Variants in IQCH observed in about 807,000 individuals in gnomAD.
The protein encoded by IQCH is IQ motif containing H.
Under a neutral mutation model 117.0 loss-of-function variants are expected in IQCH, and 98 were observed. That is an observed-to-expected ratio of 0.84 (90% CI 0.71 to 0.99). The LOEUF (loss-of-function observed/expected upper bound fraction) is 0.99, where lower values mean the gene tolerates loss of function less well. Among genes scored for constraint, IQCH ranks in the 50% least tolerant of loss-of-function variants. The pLI, the probability that IQCH is intolerant of heterozygous loss-of-function variation, is 0.00. For missense variants in IQCH, 1,102 were observed against 1,243.8 expected, an observed-to-expected ratio of 0.89 and a Z score of 1.72; for synonymous variants, 412 against 448.2, an observed-to-expected ratio of 0.92 and a Z score of 1.02.
rs1190154378 is a variant in IQCH, at chr15:67,454,329, G to A, written c.2506-10798G>A. Reference sequence around the variant, plus strand: ...CCCGTCTTCTGCGTCGCTCACGCTGGGAGCTGTAGACCGGAGCTGTTCGTA... The same window carrying A: ...CCCGTCTTCTGCGTCGCTCACGCTGAGAGCTGTAGACCGGAGCTGTTCGTA... On this transcript the variant is annotated intron_variant, in intron 16 of 20. Transcript: ENST00000335894. This position sits in a 1 kb window ranked among gnomAD's most constrained non-coding sequence, Gnocchi z 5.2. Among the ~76,000 whole-genome samples the A allele has an allele frequency of 2.6e-5, 4 of 152,172 alleles. No homozygotes were observed. The highest frequency in any genetic ancestry group is 4.4e-5 in the Non-Finnish European group (3 of 68,030).
intron 7 of IQCH, among the ~76,000 whole-genome samples, chr15:67,358,725 A>G (rs183520519): frequency 6.6e-6 from 1 of 152,342 alleles, no homozygotes; most frequent in East Asian, 1.9e-4. Flanking sequence ...CTGCTCTCAT[A>G]AGAAAAGAAA....
rs1274771812 is a variant in IQCH at position 67,476,527 on chromosome 15, T to C, written c.2799+709T>C. ...AATTCAGTCCATAGCATCCTCCTACTGATATTTGATAATTTATTTCTGAAG... is the reference window on the plus strand; with the variant it reads ...AATTCAGTCCATAGCATCCTCCTACCGATATTTGATAATTTATTTCTGAAG... On this transcript the variant is annotated intron_variant, in intron 18 of 20. Coordinates refer to ENST00000335894, the MANE Select transcript of IQCH (RefSeq NM_001031715.3). This position sits in a 1 kb window ranked among gnomAD's most constrained non-coding sequence, Gnocchi z 4.1. Among the ~76,000 whole-genome samples, 1 of 152,220 alleles carries C rather than the reference T, an allele frequency of 6.6e-6. No homozygotes were observed. Among genetic ancestry groups the C allele is most frequent in the Non-Finnish European group, 1.5e-5 (1 of 68,046 alleles).
chr15:67,331,328 TTAAAC>T (rs1245648453), intron 4 of IQCH, among the ~76,000 whole-genome samples: 15 of 151,854 alleles, frequency 9.9e-5, no homozygotes, highest in Admixed American at 9.2e-4. Context: ...ATAAATTAAT[TTAAAC>T]TAGAGCTCAA....
chr15:67,371,509 C>T, intron 8 of IQCH: 4 of 1,590,540 alleles, frequency 2.5e-6, no homozygotes, highest in Non-Finnish European at 3.4e-6. Flanking sequence ...GAACACGTGT[C>T]AAGAGAAACC....
chr15:67,337,720 A>T (rs1005903127), intron 5 of IQCH, among the ~76,000 whole-genome samples: 1 of 152,208 alleles, frequency 6.6e-6, no homozygotes, highest in Non-Finnish European at 1.5e-5. Flanking sequence ...AACCATCTCT[A>T]CTGTTCCCTG....
chr15:67,475,587 T>A lies in IQCH; in HGVS notation c.2677-109T>A. On this transcript the variant is annotated intron_variant, in intron 17 of 20. Transcript: ENST00000335894. This position sits in a 1 kb window ranked among gnomAD's most constrained non-coding sequence, Gnocchi z 5.7. Reference sequence around the variant, plus strand: ...CAATAGGAGAACTGGGTGTGGGGGATATAGGAACTCTCAGAATTATCTTCG... The same window carrying A: ...CAATAGGAGAACTGGGTGTGGGGGAAATAGGAACTCTCAGAATTATCTTCG... 1 of 878,456 alleles carries A rather than the reference T, an allele frequency of 1.1e-6. No homozygotes were observed. The highest frequency in any genetic ancestry group is 1.7e-5 in the South Asian group (1 of 60,160). The allele number at this position is 878,456 out of a possible 1,614,324, so 54.4% of individuals were successfully genotyped here.
At chr15:67,331,418 T>C (rs560552343) in intron 4 of IQCH, among the ~76,000 whole-genome samples, 219 of 152,084 alleles carry the variant, frequency 1.4e-3, no homozygotes, top group African/African-American at 5.0e-3. Flanking sequence ...AGGAAACAAA[T>C]TGAATACCAG....
chr15:67,270,026 G>T (rs1965838536), intron 3 of IQCH, among the ~76,000 whole-genome samples: 2 of 152,092 alleles, frequency 1.3e-5, no homozygotes, highest in South Asian at 2.1e-4. Context: ...GGGTCTTATG[G>T]TAGTTCTATT....
At position 67,481,035 on chromosome 15, in the gene IQCH, A is replaced by C. The variant is rs1270641266; in HGVS notation, c.2799+5217A>C. On this transcript the variant is annotated intron_variant, in intron 18 of 20. Transcript: ENST00000335894. This position sits in a 1 kb window ranked among gnomAD's most constrained non-coding sequence, Gnocchi z 4.1. ...AAACCTCAAAAATGAGACTTTTAAA[A>C]ATTGAAGAGGCATTTATTTACACAA... 6.6e-6 allele frequency among the ~76,000 whole-genome samples: 1 copy of C among 152,182 alleles called. No individual in the cohort carries two copies. Among genetic ancestry groups the C allele is most frequent in the Admixed American group, 6.5e-5 (1 of 15,274 alleles).
intron 18 of IQCH, among the ~76,000 whole-genome samples, chr15:67,483,355 A>G (rs1001238950): frequency 2.0e-5 from 3 of 152,312 alleles, no homozygotes; most frequent in Middle Eastern, 3.4e-3. Context: ...CATCTCTACT[A>G]AAAATACAAA....
chr15:67,501,053 G>A lies in IQCH; in HGVS notation c.*307G>A, dbSNP rs773922526. 9 of 173,866 alleles carry A rather than the reference G, an allele frequency of 5.2e-5. No individual in the cohort carries two copies. The highest frequency in any genetic ancestry group is 9.5e-5 in the African/African-American group (4 of 42,246). The allele number at this position is 173,866 out of a possible 1,614,324, so 10.8% of individuals were successfully genotyped here. ...TAAAAGTCTTACTGATATCACCTCC[G>A]CATTTACTTCCTCATAGGCCTCAGG... is the stretch of plus-strand genomic sequence containing the variant. On this transcript the variant is annotated 3_prime_UTR_variant, in exon 21 of 21. Transcript: ENST00000335894. This position sits in a 1 kb window ranked among gnomAD's most constrained non-coding sequence, Gnocchi z 5.2.
At chr15:67,266,134 T>C (rs1490228871) in intron 3 of IQCH, among the ~76,000 whole-genome samples, 2 of 150,376 alleles carry the variant, frequency 1.3e-5, no homozygotes, top group African/African-American at 4.9e-5. Context: ...TGTATAATTA[T>C]TTATAAATTA....
At position 67,403,371 on chromosome 15, in the gene IQCH, C is replaced by T. The variant is rs1971748570; in HGVS notation, c.2097+3066C>T. Among the ~76,000 whole-genome samples the T allele has an allele frequency of 6.6e-6, 1 of 151,664 alleles. No individual in the cohort carries two copies. Among genetic ancestry groups the T allele is most frequent in the Non-Finnish European group, 1.5e-5 (1 of 67,960 alleles). On this transcript the variant is annotated intron_variant, in intron 14 of 20. Transcript: ENST00000335894. The surrounding 1 kb of genome is among the most constrained non-coding windows in gnomAD (Gnocchi z 4.8). ...AGCAGATGCTGAAAAGTTGTAGTCA[C>T]GGTTAAAAAAAAATCAGTAGAGACA...
intron 4 of IQCH, among the ~76,000 whole-genome samples, chr15:67,295,318 A>G (rs1287178959): frequency 1.3e-5 from 2 of 152,134 alleles, no homozygotes; most frequent in Non-Finnish European, 2.9e-5. Flanking sequence ...TAAAGACCAT[A>G]TTTTCCAGCT....
chr15:67,485,415 A>C (rs2083447606), intron 18 of IQCH, among the ~76,000 whole-genome samples: 1 of 152,206 alleles, frequency 6.6e-6, no homozygotes, highest in African/African-American at 2.4e-5. Context: ...AAGTCTTCAG[A>C]GATACATGCA....
chr15:67,287,416 G>C (rs1247260057), intron 4 of IQCH, among the ~76,000 whole-genome samples: 1 of 152,122 alleles, frequency 6.6e-6, no homozygotes, highest in African/African-American at 2.4e-5. Context: ...TTCTTTGCTG[G>C]AAGATGTTTT....
In IQCH at chr15:67,365,120, T is replaced by G. The variant is rs1035890090; in HGVS notation, c.753+5235T>G. ...CCACGCCCAGCTAATTTTTCTGGCATTTCTTTGTCGAGATGGGGTTTTACC... is the reference window on the plus strand; with the variant it reads ...CCACGCCCAGCTAATTTTTCTGGCAGTTCTTTGTCGAGATGGGGTTTTACC... On this transcript the variant is annotated intron_variant, in intron 8 of 20. Coordinates refer to ENST00000335894, the MANE Select transcript of IQCH (RefSeq NM_001031715.3). This position sits in a 1 kb window ranked among gnomAD's most constrained non-coding sequence, Gnocchi z 4.4. Among the ~76,000 whole-genome samples the G allele has an allele frequency of 6.6e-6, 1 of 152,092 alleles. No homozygotes were observed. Among genetic ancestry groups the G allele is most frequent in the Non-Finnish European group, 1.5e-5 (1 of 68,008 alleles).
At chr15:67,279,886 G>A (rs1469510032) in intron 4 of IQCH, among the ~76,000 whole-genome samples, 3 of 151,704 alleles carry the variant, frequency 2.0e-5, no homozygotes, top group Admixed American at 6.6e-5. Flanking sequence ...CCTGGTACTC[G>A]CCTGGTACTG....
chr15:67,426,478 T>G lies in IQCH; in HGVS notation c.2505+4901T>G, dbSNP rs942833678. ...ACTCTGATTTGGGGTACAATTACAA[T>G]GTATCCACATTGTATGCATGTATCA... On this transcript the variant is annotated intron_variant, in intron 16 of 20. Coordinates refer to ENST00000335894, the MANE Select transcript of IQCH (RefSeq NM_001031715.3). This position sits in a 1 kb window ranked among gnomAD's most constrained non-coding sequence, Gnocchi z 5.1. 2.0e-5 allele frequency among the ~76,000 whole-genome samples: 3 copies of G among 152,048 alleles called. No individual in the cohort carries two copies. Among genetic ancestry groups the G allele is most frequent in the African/African-American group, 7.2e-5 (3 of 41,408 alleles).
Sources: allele counts gnomAD v4.1 joint callset (sites outside exome capture counted in the v4.1 genomes callset), GRCh38; gene constraint gnomAD v4.1.1; non-coding constraint Gnocchi (gnomAD v3.1); transcripts MANE v1.5; gene names NCBI Gene and HGNC (gene_info 2026-07-23, HGNC 2026-07-21).